Variants in SEC31A observed in about 807,000 individuals in gnomAD.
The protein encoded by SEC31A is protein transport protein Sec31A.
Under a neutral mutation model 151.0 loss-of-function variants are expected in SEC31A, and 70 were observed. The observed-to-expected ratio is 0.46, with a 90% confidence interval of 0.38 to 0.57. The LOEUF (loss-of-function observed/expected upper bound fraction) is 0.57, where lower values mean the gene tolerates loss of function less well. SEC31A is among the 20% of genes least tolerant of loss of function. SEC31A has a pLI of 0.00. For synonymous variants in SEC31A, 475 were observed against 505.9 expected (o/e 0.94, Z 0.82); for missense variants, 1,330 against 1,471.2 (o/e 0.90, Z 1.57).
rs1737536146 is a variant in SEC31A at position 82,874,755 on chromosome 4, C to T, written c.499-4G>A. On this transcript the variant is annotated splice_polypyrimidine_tract_variant and splice_region_variant and intron_variant, in intron 5 of 26. Coordinates refer to ENST00000395310, the MANE Select transcript of SEC31A (RefSeq NM_001077207.4). ...TGCAGCTGATATCTTCTGGCGGCTA[C>T]AAGGAAGAAACAGTTAATAAAAACT... 6.3e-7 allele frequency: 1 copy of T among 1,598,654 alleles called. No individual in the cohort carries two copies. The highest frequency in any genetic ancestry group is 1.3e-5 in the African/African-American group (1 of 74,096).
intron 1 of SEC31A, among the ~76,000 whole-genome samples, chr4:82,885,759 T>C (rs1578400254): frequency 6.6e-6 from 1 of 152,332 alleles, no homozygotes; most frequent in Non-Finnish European, 1.5e-5. Flanking sequence ...CCTTACATTA[T>C]TGGACATTTA....
intron 3 of SEC31A, chr4:82,897,830 T>G (rs1054494475): frequency 4.6e-5 from 7 of 152,376 alleles, no homozygotes; most frequent in African/African-American, 1.4e-4. Context: ...TCTGTTATTA[T>G]TCTTTCCAAG....
At chr4:82,870,072 A>T (rs1270995199) in intron 8 of SEC31A, among the ~76,000 whole-genome samples, 1 of 152,202 alleles carries the variant, frequency 6.6e-6, no homozygotes, top group African/African-American at 2.4e-5. Flanking sequence ...TAGGTAATAA[A>T]CACATTATTG....
chr4:82,897,892 CTTAATAAATGTTT>C (rs1332104346), intron 3 of SEC31A: 3 of 152,080 alleles, frequency 2.0e-5, no homozygotes, highest in African/African-American at 7.2e-5. Context: ...TCATTAAAGC[CTTAATAAATGTTT>C]TTTACTTGGA....
At chr4:82,863,256 A>G (rs1404839009) in intron 12 of SEC31A, 62 bp downstream of exon 12, 1 of 960,312 alleles carries the variant, frequency 1.0e-6, no homozygotes, top group East Asian at 2.5e-5. Context: ...TCTGTGTAGA[A>G]CTTTATTTTT....
At chr4:82,828,672 T>TAAAAAAA (rs1725172438) in intron 23 of SEC31A, among the ~76,000 whole-genome samples, 1 of 5,040 alleles carries the variant, frequency 2.0e-4, no homozygotes, top group Non-Finnish European at 4.5e-4. Context: ...CCAAAGTAAC[T>TAAAAAAA]CAAAAAAAAA....
At chr4:82,858,579 T>C (rs1338545694) in intron 14 of SEC31A, among the ~76,000 whole-genome samples, 3 of 147,666 alleles carry the variant, frequency 2.0e-5, no homozygotes, top group Admixed American at 6.9e-5. Context: ...AAGAACACTA[T>C]TAAATAAACT....
chr4:82,820,463 T>A (rs1251987494), intron 26 of SEC31A, among the ~76,000 whole-genome samples: 1 of 152,216 alleles, frequency 6.6e-6, no homozygotes. Flanking sequence ...CCTTTCCTAG[T>A]GCTTTCATTA....
chr4:82,871,407 C>T, intron 7 of SEC31A: 1 of 1,518,690 alleles, frequency 6.6e-7, no homozygotes. Context: ...TAAGTCGTTA[C>T]TTAATTTAGG....
At chr4:82,870,540 AAG>A in intron 7 of SEC31A, 116 bp from the exon 8 acceptor site, 1 of 838,848 alleles carries the variant, frequency 1.2e-6, no homozygotes, top group South Asian at 1.6e-5. Flanking sequence ...AATTAAATGC[AAG>A]AGTTTCAGCG....
At chr4:82,829,300 A>G in intron 22 of SEC31A, 1 of 396,862 alleles carries the variant, frequency 2.5e-6, no homozygotes, top group Non-Finnish European at 4.6e-6. Flanking sequence ...TTTAAAGTAA[A>G]AGAGTGTGCT....
intron 6 of SEC31A, among the ~76,000 whole-genome samples, chr4:82,872,947 C>T (rs187006732): frequency 2.0e-5 from 3 of 152,266 alleles, no homozygotes; most frequent in Non-Finnish European, 2.9e-5. Context: ...TCAGGCAATT[C>T]GCCCACCTCG....
chr4:82,887,490 A>G (rs1281900904), intron 1 of SEC31A, among the ~76,000 whole-genome samples: 1 of 152,250 alleles, frequency 6.6e-6, no homozygotes, highest in African/African-American at 2.4e-5. Context: ...ACGGCAATTA[A>G]GAGCATGGGG....
chr4:82,885,553 T>C (rs1210147414), intron 1 of SEC31A, among the ~76,000 whole-genome samples: 2 of 152,186 alleles, frequency 1.3e-5, no homozygotes, highest in Admixed American at 6.5e-5. Context: ...TTACTGCCCA[T>C]CCACACAACA....
chr4:82,818,938 G>T lies in SEC31A; in HGVS notation c.*136C>A. 3.2e-6 allele frequency: 2 copies of T among 621,328 alleles called. No homozygotes were observed. Among genetic ancestry groups the T allele is most frequent in the Non-Finnish European group, 5.3e-6 (2 of 378,248 alleles). 38.5% of individuals were successfully genotyped at this position (621,328 alleles called of 1,614,324 possible). A position where few individuals can be genotyped will look rare whatever the true frequency, so the allele number is the denominator to read the frequency against. On this transcript the variant is annotated 3_prime_UTR_variant, in exon 27 of 27. Transcript: ENST00000395310. ...GAGCAGTTCTAAGGTGAGTATATCA[G>T]CAGAAATAGTGTAAATGCTCTTGAC...
intron 21 of SEC31A, 168 bp from the exon 22 acceptor site, chr4:82,842,649 A>G: frequency 1.7e-6 from 1 of 587,438 alleles, no homozygotes; most frequent in Non-Finnish European, 3.0e-6. Flanking sequence ...AAATGCCCCA[A>G]ATACACTTGA....
rs190968231 is a variant in SEC31A, at chr4:82,886,991, T to A, written c.-5+4097A>T. Among the ~76,000 whole-genome samples the A allele has an allele frequency of 2.4e-3, 370 of 152,332 alleles. 1 individual carries two copies. The highest frequency in any genetic ancestry group is 8.6e-3 in the African/African-American group (357 of 41,594). On this transcript the variant is annotated intron_variant, in intron 1 of 26. Transcript: ENST00000395310. ...ACAGAAAGTTTTGATTTATTTTAAA[T>A]GTTTATATTTAGGGGAAAACAAGTA...
At position 82,857,767 on chromosome 4, in the gene SEC31A, A is replaced by G. The variant is rs1732999097; in HGVS notation, c.1627-3T>C. On this transcript the variant is annotated splice_polypyrimidine_tract_variant and splice_region_variant and intron_variant, in intron 14 of 26. Coordinates refer to ENST00000395310, the MANE Select transcript of SEC31A (RefSeq NM_001077207.4). Reference sequence around the variant, plus strand: ...TCTTCTTTTTCCTCTTTAATGTGCTAAAGAGATGAAAAAAGCAACAATTTA... The same window carrying G: ...TCTTCTTTTTCCTCTTTAATGTGCTGAAGAGATGAAAAAAGCAACAATTTA... 6.3e-7 allele frequency: 1 copy of G among 1,577,720 alleles called. No individual in the cohort carries two copies.
intron 26 of SEC31A, among the ~76,000 whole-genome samples, chr4:82,820,726 C>A (rs930562887): frequency 6.6e-6 from 1 of 152,144 alleles, no homozygotes; most frequent in African/African-American, 2.4e-5. Context: ...TTTCTTGTAA[C>A]TGGGCCATAT....
Sources: allele counts gnomAD v4.1 joint callset (sites outside exome capture counted in the v4.1 genomes callset), GRCh38; gene constraint gnomAD v4.1.1; transcripts MANE v1.5; gene names NCBI Gene and HGNC (gene_info 2026-07-23, HGNC 2026-07-21).